GRID1: variants seen among roughly 807,000 people sequenced by gnomAD.
GRID1 encodes the protein glutamate ionotropic receptor delta type subunit 1, also known as glutamate receptor ionotropic, delta-1.
Under a neutral mutation model 98.0 loss-of-function variants are expected in GRID1, and 28 were observed. That is an observed-to-expected ratio of 0.29 (90% CI 0.21 to 0.39). The LOEUF (loss-of-function observed/expected upper bound fraction) is 0.39. Ranked by LOEUF, GRID1 falls within the 10% of genes least tolerant of loss-of-function variation. GRID1 has a pLI of 1.00. For synonymous variants in GRID1, 553 were observed against 538.5 expected (o/e 1.03, Z -0.37); for missense variants, 1,111 against 1,340.5 (o/e 0.83, Z 2.67).
At chr10:85,827,485 A>T (rs1304365017) in intron 8 of GRID1, among the ~76,000 whole-genome samples, 1 of 152,204 alleles carries the variant, frequency 6.6e-6, no homozygotes, top group African/African-American at 2.4e-5. Flanking sequence ...AAATATGAGA[A>T]AATGTGAAGA....
intron 4 of GRID1, among the ~76,000 whole-genome samples, chr10:86,107,479 C>A (rs1294490273): frequency 1.3e-5 from 2 of 152,174 alleles, no homozygotes; most frequent in Non-Finnish European, 2.9e-5. Flanking sequence ...AAGGGAAGGG[C>A]ATGGGCCCTT....
At chr10:85,631,053 A>T (rs1261033764) in intron 13 of GRID1, among the ~76,000 whole-genome samples, 1 of 152,212 alleles carries the variant, frequency 6.6e-6, no homozygotes, top group African/African-American at 2.4e-5. Flanking sequence ...AAAGAACTCT[A>T]CTTTATGCTT....
chr10:85,740,186 G>A lies in GRID1; in HGVS notation c.1234-10572C>T, dbSNP rs77502941. ...CATTCTCTATAGTGGGACAAGCCAGGCTGGAATTCTGTTTCTTCCACAGAT... is the reference window on the plus strand; with the variant it reads ...CATTCTCTATAGTGGGACAAGCCAGACTGGAATTCTGTTTCTTCCACAGAT... On this transcript the variant is annotated intron_variant, in intron 8 of 15. Coordinates refer to ENST00000327946, the MANE Select transcript of GRID1 (RefSeq NM_017551.3). Among the ~76,000 whole-genome samples, 289 of 152,246 alleles carry A rather than the reference G, an allele frequency of 1.9e-3. 11 individuals are homozygous for A. In the East Asian group the frequency reaches 0.05, roughly 26 times the overall value.
intron 2 of GRID1, among the ~76,000 whole-genome samples, chr10:86,224,986 G>A (rs1846317758): frequency 6.6e-6 from 1 of 152,250 alleles, no homozygotes; most frequent in Non-Finnish European, 1.5e-5. Flanking sequence ...GGTCCCCAAG[G>A]CACAGGTGCC....
In GRID1 at chr10:86,080,431, G is replaced by A. The variant is rs1474507558; in HGVS notation, c.726+58388C>T. ...GGGAAGGGGAGGGGAGGGGAGGGGAGGGGAGGGGAGGGGAGGGGAGGGGAG... is the reference window on the plus strand; with the variant it reads ...GGGAAGGGGAGGGGAGGGGAGGGGAAGGGAGGGGAGGGGAGGGGAGGGGAG... On this transcript the variant is annotated intron_variant, in intron 4 of 15. Coordinates refer to ENST00000327946, the MANE Select transcript of GRID1 (RefSeq NM_017551.3). 5.5e-3 allele frequency among the ~76,000 whole-genome samples: 134 copies of A among 24,382 alleles called. 7 individuals carry two copies. The highest frequency in any genetic ancestry group is 8.3e-3 in the Non-Finnish European group (95 of 11,448). 16.0% of individuals were successfully genotyped at this position (24,382 alleles called of 152,430 possible). A position where few individuals can be genotyped will look rare whatever the true frequency, so the allele number is the denominator to read the frequency against.
chr10:86,352,673 G>T (rs1172390909), intron 2 of GRID1, among the ~76,000 whole-genome samples: 1 of 152,128 alleles, frequency 6.6e-6, no homozygotes, highest in African/African-American at 2.4e-5. Context: ...CCATCACATT[G>T]GGGGTTAAGG....
intron 5 of GRID1, among the ~76,000 whole-genome samples, chr10:85,870,844 G>C (rs2131795081): frequency 6.6e-6 from 1 of 152,290 alleles, no homozygotes; most frequent in African/African-American, 2.4e-5. Flanking sequence ...GGAGAACAGA[G>C]GGTCAGTACA....
chr10:85,818,531 TA>T (rs1434062081), intron 8 of GRID1, among the ~76,000 whole-genome samples: 4 of 152,084 alleles, frequency 2.6e-5, no homozygotes, highest in Non-Finnish European at 4.4e-5. Context: ...ACCAATAAAA[TA>T]AGCCAGAGCT....
chr10:86,173,019 A>G (rs1845517571), intron 3 of GRID1, among the ~76,000 whole-genome samples: 1 of 152,148 alleles, frequency 6.6e-6, no homozygotes, highest in Non-Finnish European at 1.5e-5. Context: ...TGTCTCCAAA[A>G]GACAAGGATT....
At chr10:85,830,041 T>G (rs945593901) in intron 8 of GRID1, among the ~76,000 whole-genome samples, 2 of 152,036 alleles carry the variant, frequency 1.3e-5, no homozygotes, top group East Asian at 3.8e-4. Flanking sequence ...AGGCATCACA[T>G]TACCTGACTT....
intron 12 of GRID1, among the ~76,000 whole-genome samples, chr10:85,680,509 C>T (rs921871913): frequency 1.8e-4 from 28 of 152,142 alleles, no homozygotes; most frequent in Non-Finnish European, 3.2e-4. Context: ...AAAGGGAACG[C>T]GTATACATCA....
At chr10:86,234,508 G>C (rs371002790) in intron 2 of GRID1, among the ~76,000 whole-genome samples, 3 of 152,332 alleles carry the variant, frequency 2.0e-5, no homozygotes, top group African/African-American at 7.2e-5. Context: ...TGAAGCAAGA[G>C]ATTAAAATTT....
intron 9 of GRID1, among the ~76,000 whole-genome samples, chr10:85,728,384 G>C (rs770018814): frequency 2.0e-5 from 3 of 152,092 alleles, no homozygotes; most frequent in Admixed American, 1.3e-4. Context: ...AGCTAGGACT[G>C]TATCCTTAGA....
At chr10:86,161,345 T>A (rs909028780) in intron 3 of GRID1, among the ~76,000 whole-genome samples, 3 of 151,976 alleles carry the variant, frequency 2.0e-5, no homozygotes, top group African/African-American at 7.2e-5. Flanking sequence ...GACAGGGCAC[T>A]TGGAGAGTGA....
chr10:85,948,894 G>A lies in GRID1; in HGVS notation c.727-32655C>T, dbSNP rs1027666799. On this transcript the variant is annotated intron_variant, in intron 4 of 15. Transcript: ENST00000327946. Reference sequence around the variant, plus strand: ...TCTTGACCATTCTGAAAGGTAATACGATATTTCATTGTTGTCTGAATTGAT... The same window carrying A: ...TCTTGACCATTCTGAAAGGTAATACAATATTTCATTGTTGTCTGAATTGAT... 4.6e-5 allele frequency among the ~76,000 whole-genome samples: 7 copies of A among 152,184 alleles called. No homozygotes were observed. The East Asian group carries it at 9.6e-4, about 21-fold the overall frequency.
intron 12 of GRID1, among the ~76,000 whole-genome samples, chr10:85,674,294 G>T (rs1037729616): frequency 2.0e-5 from 3 of 152,070 alleles, no homozygotes; most frequent in Admixed American, 2.0e-4. Context: ...TCTCCATTTG[G>T]TTCTAGATGT....
intron 4 of GRID1, among the ~76,000 whole-genome samples, chr10:85,946,702 G>C (rs781416769): frequency 4.6e-5 from 7 of 152,186 alleles, no homozygotes; most frequent in African/African-American, 1.4e-4. Flanking sequence ...CCCCAGGTCA[G>C]TCTTGGGCGG....
intron 2 of GRID1, among the ~76,000 whole-genome samples, chr10:86,238,551 T>A (rs1846576644): frequency 6.6e-6 from 1 of 151,140 alleles, no homozygotes; most frequent in South Asian, 2.1e-4. Flanking sequence ...ATGCCTATAG[T>A]CCCAGCTACT....
intron 2 of GRID1, among the ~76,000 whole-genome samples, chr10:86,348,424 T>C (rs764517503): frequency 4.1e-4 from 63 of 152,242 alleles, no homozygotes; most frequent in Non-Finnish European, 7.9e-4. Flanking sequence ...GAGACGGGGC[T>C]CTGCGGCACA....
Sources: allele counts gnomAD v4.1 joint callset (sites outside exome capture counted in the v4.1 genomes callset), GRCh38; gene constraint gnomAD v4.1.1; transcripts MANE v1.5; gene names NCBI Gene and HGNC (gene_info 2026-07-23, HGNC 2026-07-21).